Variants in BBX observed in about 807,000 individuals in gnomAD.
BBX encodes HMG box transcription factor BBX.
BBX carries 30 observed loss-of-function variants against 100.2 expected under a neutral mutation model. The ratio of observed to expected loss-of-function variants is 0.30; its 90% confidence interval spans 0.22 to 0.41. The LOEUF is 0.41. Among genes scored for constraint, BBX ranks in the 10% least tolerant of loss-of-function variants. BBX has a pLI of 1.00. For missense variants in BBX, 1,023 were observed against 1,129.8 expected (o/e 0.91, Z 1.35); for synonymous variants, 376 against 388.1 (o/e 0.97, Z 0.37).
intron 2 of BBX, among the ~76,000 whole-genome samples, chr3:107,541,457 A>G (rs1304014613): frequency 6.6e-6 from 1 of 152,188 alleles, no homozygotes; most frequent in Non-Finnish European, 1.5e-5. Flanking sequence ...GTAGGGCCTT[A>G]AATTTTGGGT....
rs1364948356 is a variant in BBX, at chr3:107,798,600, G to C, written c.2431G>C (p.Glu811Gln). The change falls in exon 16 of 18, where the codon GAG (glutamate) becomes CAG (glutamine). Residue 811 changes from glutamate to glutamine, a missense_variant. Glu to Gln is a conservative substitution (Grantham distance 29). Coordinates refer to ENST00000325805, the MANE Select transcript of BBX (RefSeq NM_001142568.3). ...KNIPSIFNTP[E>Q]PTTTQEPLVG... Reference sequence around the variant, plus strand: ...TATCCCATCCATTTTCAACACTCCAGAGCCAACAACAACGCAAGAACCTTT... The same window carrying C: ...TATCCCATCCATTTTCAACACTCCACAGCCAACAACAACGCAAGAACCTTT... 6.2e-7 allele frequency: 1 copy of C among 1,614,098 alleles called. No individual in the cohort carries two copies. The highest frequency in any genetic ancestry group is 1.6e-4 in the Middle Eastern group (1 of 6,062).
chr3:107,564,779 CAGAT>C lies in BBX; in HGVS notation c.-84+38385_-84+38388del, dbSNP rs200660406. 8.7e-3 allele frequency among the ~76,000 whole-genome samples: 1,331 copies of C among 152,304 alleles called. 25 individuals are homozygous for C. The highest frequency in any genetic ancestry group is 0.03 in the African/African-American group (1,266 of 41,556). On this transcript the variant is annotated intron_variant, in intron 2 of 17. Transcript: ENST00000325805. ...TATAGCTTTATAATCCTCTTGCTAT[CAGAT>C]AGAGCAAATTCTCTTATTTCTTTTC...
intron 2 of BBX, among the ~76,000 whole-genome samples, chr3:107,537,770 T>C (rs934341176): frequency 6.6e-5 from 10 of 152,236 alleles, no homozygotes; most frequent in Non-Finnish European, 1.3e-4. Flanking sequence ...TTGTGGCCCT[T>C]ATTTGACTGG....
chr3:107,778,444 C>T lies in BBX; in HGVS notation c.2128C>T (p.Arg710Trp), dbSNP rs769626293. 1.1e-5 allele frequency: 18 copies of T among 1,613,076 alleles called. No individual in the cohort carries two copies. Among genetic ancestry groups the T allele is most frequent in the African/African-American group, 6.7e-5 (5 of 74,792 alleles). Residue 710 changes from arginine to tryptophan, a missense_variant, in exon 13 of 18, where the codon CGG becomes TGG. By Grantham distance (101) the Arg-to-Trp change is moderately radical. Around this residue, in one of 9 missense-constraint regions of BBX, gnomAD observed 215 missense variants for 211.3 expected, o/e 1.02. Transcript: ENST00000325805. ...LPQYSPVTFD[R>W]KCVPVPRKKK... ...TCAATATAGTCCTGTTACATTTGAC[C>T]GGAAATGTGTACCTGTCCCAAGAAA...
chr3:107,624,305 A>G (rs1054751429), intron 2 of BBX, among the ~76,000 whole-genome samples: 1 of 152,072 alleles, frequency 6.6e-6, no homozygotes, highest in African/African-American at 2.4e-5. Context: ...ATTATATCAC[A>G]CTTTCTTTGC....
chr3:107,594,372 A>G (rs2053538212), intron 2 of BBX, among the ~76,000 whole-genome samples: 1 of 152,046 alleles, frequency 6.6e-6, no homozygotes, highest in Non-Finnish European at 1.5e-5. Flanking sequence ...TACTTAGTCA[A>G]GTTTTTGTCT....
At chr3:107,796,880 T>C (rs1206109024) in intron 15 of BBX, among the ~76,000 whole-genome samples, 1 of 151,936 alleles carries the variant, frequency 6.6e-6, no homozygotes, top group Non-Finnish European at 1.5e-5. Context: ...CTAAAAGGAG[T>C]ATGTTTTCTG....
chr3:107,589,637 G>A (rs2053146646), intron 2 of BBX, among the ~76,000 whole-genome samples: 1 of 152,176 alleles, frequency 6.6e-6, no homozygotes, highest in South Asian at 2.1e-4. Context: ...TGGTTTTTGA[G>A]CAGTGCCACA....
chr3:107,767,198 A>C (rs563026929), intron 10 of BBX, among the ~76,000 whole-genome samples: 1 of 152,230 alleles, frequency 6.6e-6, no homozygotes, highest in Non-Finnish European at 1.5e-5. Context: ...CTTAAAGTAT[A>C]AAATACATAT....
chr3:107,723,032 T>C (rs1242986417), intron 5 of BBX, among the ~76,000 whole-genome samples: 2 of 152,066 alleles, frequency 1.3e-5, no homozygotes, highest in Non-Finnish European at 2.9e-5. Context: ...AAAACATTTG[T>C]TATATCTCTT....
intron 11 of BBX, among the ~76,000 whole-genome samples, chr3:107,774,469 T>C (rs943133343): frequency 6.6e-6 from 1 of 152,212 alleles, no homozygotes; most frequent in Non-Finnish European, 1.5e-5. Context: ...GCAGTTAGTC[T>C]GTCTCTTTGA....
intron 3 of BBX, among the ~76,000 whole-genome samples, chr3:107,704,509 G>C (rs73850129): frequency 0.014 from 2,067 of 152,316 alleles, 43 homozygotes; most frequent in African/African-American, 0.048. Context: ...AGTTCTGGAG[G>C]CTGGGAATTA....
intron 2 of BBX, among the ~76,000 whole-genome samples, chr3:107,586,437 AGTTTTTAAT>A (rs1027893827): frequency 1.3e-5 from 2 of 152,190 alleles, no homozygotes; most frequent in African/African-American, 4.8e-5. Flanking sequence ...GGGGTCACCT[AGTTTTTAAT>A]GTGAATTAAA....
chr3:107,531,146 G>C (rs1400437188), intron 2 of BBX, among the ~76,000 whole-genome samples: 1 of 152,152 alleles, frequency 6.6e-6, no homozygotes, highest in African/African-American at 2.4e-5. Flanking sequence ...TCTGAATGTG[G>C]GGCTGAAGTT....
intron 13 of BBX, among the ~76,000 whole-genome samples, chr3:107,783,011 C>T (rs1176769085): frequency 6.6e-6 from 1 of 152,044 alleles, no homozygotes; most frequent in Non-Finnish European, 1.5e-5. Context: ...ATTCTTCCTC[C>T]TCCATGGATA....
At chr3:107,532,785 G>T (rs1469980033) in intron 2 of BBX, among the ~76,000 whole-genome samples, 1 of 152,054 alleles carries the variant, frequency 6.6e-6, no homozygotes, top group Non-Finnish European at 1.5e-5. Context: ...AGTGACTTTG[G>T]CATTTCCTAA....
At chr3:107,629,188 C>T (rs1346909674) in intron 2 of BBX, among the ~76,000 whole-genome samples, 4 of 152,100 alleles carry the variant, frequency 2.6e-5, no homozygotes, top group South Asian at 2.1e-4. Context: ...TAGCTTTTTC[C>T]GTTAGAACCT....
chr3:107,578,493 T>C (rs143619212), intron 2 of BBX, among the ~76,000 whole-genome samples: 43 of 152,364 alleles, frequency 2.8e-4, no homozygotes, highest in African/African-American at 1.0e-3. Flanking sequence ...GTTTTGTATG[T>C]ATGAAAAATA....
chr3:107,617,192 G>A (rs898764478), intron 2 of BBX, among the ~76,000 whole-genome samples: 1 of 152,106 alleles, frequency 6.6e-6, no homozygotes, highest in African/African-American at 2.4e-5. Flanking sequence ...TAAAAAGAAG[G>A]CAGGCATATT....
Sources: gnomAD v4.1 joint callset for allele counts (sites outside exome capture counted in the v4.1 genomes callset) on GRCh38, gnomAD v4.1.1 for gene constraint, gnomAD v4.1.1 regional missense constraint, MANE v1.5 for transcripts, NCBI Gene and HGNC (gene_info 2026-07-23, HGNC 2026-07-21) for gene names.